NDUFS4: variants seen among roughly 807,000 people sequenced by gnomAD.
NDUFS4 encodes the protein NADH dehydrogenase [ubiquinone] iron-sulfur protein 4, mitochondrial.
NDUFS4 carries 28 observed loss-of-function variants against 24.3 expected under a neutral mutation model. The observed-to-expected ratio is 1.15, with a 90% CI of 0.85 to 1.58. The LOEUF (loss-of-function observed/expected upper bound fraction) is 1.58, where lower values mean the gene tolerates loss of function less well. Ranked by LOEUF, NDUFS4 falls within the 40% of genes most tolerant of loss-of-function variation. The pLI is 0.00. For synonymous variants in NDUFS4, 93 were observed against 69.7 expected (o/e 1.34, Z -1.67); for missense variants, 223 against 207.9 (o/e 1.07, Z -0.45).
intron 1 of NDUFS4, among the ~76,000 whole-genome samples, chr5:53,579,658 G>A (rs191035461): frequency 3.3e-5 from 5 of 152,330 alleles, no homozygotes; most frequent in African/African-American, 9.6e-5. Context: ...CGAGGCTTCA[G>A]TGAGCTATGA....
At chr5:53,610,176 C>T (rs1398249032) in intron 2 of NDUFS4, among the ~76,000 whole-genome samples, 1 of 152,130 alleles carries the variant, frequency 6.6e-6, no homozygotes, top group East Asian at 1.9e-4. Flanking sequence ...ACATGAGACT[C>T]TTCCTTTCAC....
At chr5:53,657,533 A>G (rs998727209) in intron 3 of NDUFS4, among the ~76,000 whole-genome samples, 8 of 152,014 alleles carry the variant, frequency 5.3e-5, no homozygotes, top group African/African-American at 1.9e-4. Flanking sequence ...TATATTTTTT[A>G]CTTCCACATT....
At chr5:53,679,442 A>G (rs1312190595) in intron 4 of NDUFS4, among the ~76,000 whole-genome samples, 2 of 152,156 alleles carry the variant, frequency 1.3e-5, no homozygotes, top group Admixed American at 6.6e-5. Flanking sequence ...AGCAACTGTA[A>G]TCTGGCTCAC....
chr5:53,592,781 G>A (rs1176769977), intron 1 of NDUFS4, among the ~76,000 whole-genome samples: 1 of 152,166 alleles, frequency 6.6e-6, no homozygotes, highest in Non-Finnish European at 1.5e-5. Flanking sequence ...TGTGCAGTGT[G>A]TAGTAAGTCT....
intron 1 of NDUFS4, among the ~76,000 whole-genome samples, chr5:53,600,948 TATC>T (rs1750297815): frequency 6.6e-6 from 1 of 152,112 alleles, no homozygotes. Context: ...TTTATTGTAT[TATC>T]TTTTACATAC....
Position 53,560,738 on chromosome 5 carries a change from T to C in NDUFS4, c.76T>C (p.Ser26Pro). ...AAGGGCAGTGGCTGTAGCTGCCCTT[T>C]CCGTTTCCAGGGTTCCGACCAGGTA... is the stretch of plus-strand genomic sequence containing the variant. The part of the protein sequence containing the change: ...RRRAVAVAAL[S>P]VSRVPTRSLR... The change falls in exon 1 of 5, where the codon TCC becomes CCC. Residue 26 changes from serine to proline, a missense_variant. Transcript: ENST00000296684. 1 of 1,614,234 alleles carries C rather than the reference T, an allele frequency of 6.2e-7. No homozygotes were observed. The highest frequency in any genetic ancestry group is 1.3e-5 in the African/African-American group (1 of 75,060).
At chr5:53,563,839 T>C (rs900445598) in intron 1 of NDUFS4, among the ~76,000 whole-genome samples, 1 of 152,208 alleles carries the variant, frequency 6.6e-6, no homozygotes, top group Non-Finnish European at 1.5e-5. Flanking sequence ...TCCCTGACTT[T>C]CCTAAGAGAT....
chr5:53,667,922 G>T (rs144197031), intron 4 of NDUFS4, among the ~76,000 whole-genome samples: 14 of 152,148 alleles, frequency 9.2e-5, no homozygotes, highest in African/African-American at 3.4e-4. Context: ...GGGCTAGTTC[G>T]TCTTTATTTC....
intron 4 of NDUFS4, among the ~76,000 whole-genome samples, chr5:53,671,070 TAGGG>T (rs1740210590): frequency 6.6e-6 from 1 of 151,930 alleles, no homozygotes; most frequent in Non-Finnish European, 1.5e-5. Context: ...GTAGAGATAA[TAGGG>T]AGGGATAATA....
intron 2 of NDUFS4, among the ~76,000 whole-genome samples, chr5:53,616,977 G>C (rs1750860309): frequency 6.6e-6 from 1 of 152,060 alleles, no homozygotes; most frequent in Non-Finnish European, 1.5e-5. Flanking sequence ...TGCTTTTTGA[G>C]AAAGGCAGTA....
intron 2 of NDUFS4, among the ~76,000 whole-genome samples, chr5:53,639,628 C>A (rs973667037): frequency 1.3e-5 from 2 of 152,060 alleles, no homozygotes; most frequent in African/African-American, 4.8e-5. Flanking sequence ...ATTTATTTAA[C>A]TTGTTCTCAA....
At chr5:53,563,339 C>T (rs1207878766) in intron 1 of NDUFS4, among the ~76,000 whole-genome samples, 1 of 150,916 alleles carries the variant, frequency 6.6e-6, no homozygotes, top group Non-Finnish European at 1.5e-5. Context: ...ACAAAGAATG[C>T]AACAACACAT....
chr5:53,584,600 A>G (rs547240420), intron 1 of NDUFS4, among the ~76,000 whole-genome samples: 55 of 151,992 alleles, frequency 3.6e-4, no homozygotes, highest in Non-Finnish European at 4.7e-4. Context: ...TCTGCCTCCC[A>G]AAGTGCTGGG....
intron 1 of NDUFS4, among the ~76,000 whole-genome samples, chr5:53,583,204 T>C (rs1749630159): frequency 6.6e-6 from 1 of 152,186 alleles, no homozygotes; most frequent in Non-Finnish European, 1.5e-5. Context: ...ATGAAATAAC[T>C]GTTTGGGTTT....
intron 2 of NDUFS4, among the ~76,000 whole-genome samples, chr5:53,622,937 G>A (rs1004377691): frequency 6.6e-6 from 1 of 152,074 alleles, no homozygotes; most frequent in Non-Finnish European, 1.5e-5. Flanking sequence ...CTGTGTTATA[G>A]CATGTGTCAG....
intron 2 of NDUFS4, among the ~76,000 whole-genome samples, chr5:53,637,389 A>G (rs895159850): frequency 6.6e-6 from 1 of 152,208 alleles, no homozygotes; most frequent in African/African-American, 2.4e-5. Flanking sequence ...GTATTTGAAA[A>G]TAAGACATTC....
At chr5:53,598,793 T>C (rs769727822) in intron 1 of NDUFS4, among the ~76,000 whole-genome samples, 1 of 152,212 alleles carries the variant, frequency 6.6e-6, no homozygotes, top group African/African-American at 2.4e-5. Flanking sequence ...ATTTTCAGGA[T>C]ATCTCTTTTT....
chr5:53,642,819 T>C (rs908686391), intron 2 of NDUFS4, among the ~76,000 whole-genome samples: 1 of 152,130 alleles, frequency 6.6e-6, no homozygotes, highest in Non-Finnish European at 1.5e-5. Context: ...TATCATCTCC[T>C]CCAAAATTTA....
intron 4 of NDUFS4, among the ~76,000 whole-genome samples, chr5:53,664,089 T>A (rs977452973): frequency 2.6e-5 from 4 of 152,218 alleles, no homozygotes; most frequent in Admixed American, 2.6e-4. Flanking sequence ...CCTTCACTTA[T>A]GAAGCTTAGT....
Sources: gnomAD v4.1 joint callset for allele counts (sites outside exome capture counted in the v4.1 genomes callset) on GRCh38, gnomAD v4.1.1 for gene constraint, MANE v1.5 for transcripts, NCBI Gene and HGNC (gene_info 2026-07-23, HGNC 2026-07-21) for gene names.